The following SENP7 variants were observed in gnomAD, a reference collection of about 807,000 sequenced individuals.
SENP7 encodes SUMO specific peptidase 7, also known as sentrin-specific protease 7.
In SENP7, 64 loss-of-function variants were observed where a neutral mutation model predicts 141.2. That is an observed-to-expected ratio of 0.45 (90% confidence interval 0.37 to 0.56). The LOEUF is 0.56. SENP7 is among the 20% of genes least tolerant of loss of function. The probability of loss-of-function intolerance (pLI) is 0.00; values close to 1 mark genes in which losing one functional copy is unlikely to be tolerated. For synonymous variants in SENP7, 382 were observed against 426.4 expected (o/e 0.90, Z 1.28); for missense variants, 1,025 against 1,212.2 (o/e 0.85, Z 2.29).
At chr3:101,449,961 G>A (rs1281900806) in intron 4 of SENP7, among the ~76,000 whole-genome samples, 1 of 152,120 alleles carries the variant, frequency 6.6e-6, no homozygotes, top group East Asian at 1.9e-4. Flanking sequence ...CTATATTCAG[G>A]AAACCCATTT....
rs1438858190 is a variant in SENP7 at position 101,493,381 on chromosome 3, A to G, written c.186+492T>C. Among the ~76,000 whole-genome samples the G allele has an allele frequency of 3.3e-5, 5 of 152,208 alleles. No homozygotes were observed. In the South Asian group the frequency reaches 8.3e-4, roughly 25 times the overall value. On this transcript the variant is annotated intron_variant, in intron 3 of 23. Transcript: ENST00000394095. ...GGAACAAACCTGCACTTGTACCACT[A>G]AACTTAAAATAAAAGTTAAAAAACA...
intron 4 of SENP7, among the ~76,000 whole-genome samples, chr3:101,455,078 T>C (rs1445547935): frequency 8.0e-6 from 1 of 125,228 alleles, no homozygotes; most frequent in African/African-American, 3.3e-5. Context: ...ACACAGGAGA[T>C]AGAGTCAGCA....
chr3:101,463,417 A>G (rs2063655176), intron 3 of SENP7, among the ~76,000 whole-genome samples: 1 of 136,026 alleles, frequency 7.4e-6, no homozygotes, highest in African/African-American at 2.9e-5. Flanking sequence ...ATATATATAT[A>G]CACACACATA....
chr3:101,481,493 G>C (rs2064478794), intron 3 of SENP7, among the ~76,000 whole-genome samples: 1 of 152,180 alleles, frequency 6.6e-6, no homozygotes, highest in African/African-American at 2.4e-5. Context: ...GAAGGGTGTA[G>C]AGGGGAGAGG....
At chr3:101,395,773 G>A (rs556597975) in intron 6 of SENP7, among the ~76,000 whole-genome samples, 5 of 152,324 alleles carry the variant, frequency 3.3e-5, no homozygotes, top group South Asian at 2.1e-4. Context: ...TGGTGATGAC[G>A]ATAAGTGGAC....
chr3:101,459,504 A>T (rs1204126440), intron 3 of SENP7, among the ~76,000 whole-genome samples: 1 of 152,328 alleles, frequency 6.6e-6, no homozygotes, highest in East Asian at 1.9e-4. Flanking sequence ...TAGATTAAAT[A>T]TGACTAGAAT....
At chr3:101,349,073 C>A (rs993375841) in intron 12 of SENP7, among the ~76,000 whole-genome samples, 3 of 152,142 alleles carry the variant, frequency 2.0e-5, no homozygotes, top group Admixed American at 6.5e-5. Context: ...ATCTACTGAA[C>A]CAGCAGATCT....
chr3:101,364,951 T>C lies in SENP7; in HGVS notation c.1359A>G (p.Lys453=), dbSNP rs1228047341. The C allele has an allele frequency of 1.9e-6, 3 of 1,589,114 alleles. No individual in the cohort carries two copies. In the South Asian group the frequency reaches 3.5e-5, roughly 19 times the overall value. The change falls in exon 10 of 24, where the codon AAA becomes AAG. Residue 453 remains lysine (K), a synonymous_variant. Coordinates refer to ENST00000394095, the MANE Select transcript of SENP7 (RefSeq NM_020654.5). ...SSDEEGPVEH[K]SSEILKLQSK... Reference sequence around the variant, plus strand: ...ATTGTAACTTAAGAATTTCTGAACTTTTATGTTCAACAGGTCCTTCTTCAT... The same window carrying C: ...ATTGTAACTTAAGAATTTCTGAACTCTTATGTTCAACAGGTCCTTCTTCAT...
intron 6 of SENP7, among the ~76,000 whole-genome samples, chr3:101,389,523 A>T (rs931776639): frequency 2.0e-5 from 3 of 152,192 alleles, no homozygotes; most frequent in Non-Finnish European, 4.4e-5. Flanking sequence ...AGAAAAAAAA[A>T]ACTGCCAGCC....
At chr3:101,396,151 G>A (rs1238903269) in intron 6 of SENP7, among the ~76,000 whole-genome samples, 2 of 152,136 alleles carry the variant, frequency 1.3e-5, no homozygotes, top group African/African-American at 4.8e-5. Context: ...CTAAGGGAAT[G>A]AATTTTCAAG....
chr3:101,407,437 T>A (rs1383365901), intron 5 of SENP7, among the ~76,000 whole-genome samples: 1 of 152,174 alleles, frequency 6.6e-6, no homozygotes, highest in Non-Finnish European at 1.5e-5. Flanking sequence ...ACAAATGGAC[T>A]TAATGGATAT....
chr3:101,358,221 C>T, intron 11 of SENP7: 1 of 807,264 alleles, frequency 1.2e-6, no homozygotes, highest in Non-Finnish European at 1.9e-6. Flanking sequence ...TCAAGCCTCA[C>T]TAAACATAAG....
At chr3:101,357,761 T>C in intron 11 of SENP7, 1 of 637,030 alleles carries the variant, frequency 1.6e-6, no homozygotes, top group Non-Finnish European at 2.9e-6. Flanking sequence ...AAAAAACTTT[T>C]AAATGTAAAG....
intron 4 of SENP7, chr3:101,457,812 C>T: frequency 1.7e-6 from 1 of 592,344 alleles, no homozygotes; most frequent in South Asian, 2.1e-5. Flanking sequence ...AGATTAGGCG[C>T]ACACATGCGG....
intron 3 of SENP7, among the ~76,000 whole-genome samples, chr3:101,489,502 G>A (rs2108082975): frequency 8.6e-6 from 1 of 116,076 alleles, no homozygotes; most frequent in Middle Eastern, 4.7e-3. Flanking sequence ...AAGAGCAGGA[G>A]CCACTATTCT....
intron 4 of SENP7, among the ~76,000 whole-genome samples, chr3:101,444,670 C>T (rs999223682): frequency 2.8e-5 from 4 of 143,698 alleles, no homozygotes; most frequent in African/African-American, 1.0e-4. Context: ...TATACTCTCA[C>T]TCATAGGTGG....
chr3:101,454,219 T>G (rs1342394356), intron 4 of SENP7, among the ~76,000 whole-genome samples: 2 of 152,186 alleles, frequency 1.3e-5, no homozygotes, highest in African/African-American at 4.8e-5. Context: ...TGAAAACATA[T>G]GTATGTCTAA....
intron 5 of SENP7, among the ~76,000 whole-genome samples, chr3:101,405,609 A>T (rs1309534512): frequency 2.0e-5 from 3 of 152,226 alleles, no homozygotes; most frequent in Non-Finnish European, 4.4e-5. Context: ...AGAATTCAGG[A>T]GGTTAGTTAT....
In SENP7 at chr3:101,423,525, T is replaced by C. The variant is rs536840637; in HGVS notation, c.285-5735A>G. On this transcript the variant is annotated intron_variant, in intron 4 of 23. Transcript: ENST00000394095. ...TACAAAGTTAAAAATGCACCTACCA[T>C]ATGACCCAGCAATCCAACTCCTAGG... 1.1e-4 allele frequency among the ~76,000 whole-genome samples: 17 copies of C among 152,208 alleles called. No individual in the cohort carries two copies. In the East Asian group the frequency reaches 2.5e-3, roughly 22 times the overall value.
Sources: gnomAD v4.1 joint callset for allele counts (sites outside exome capture counted in the v4.1 genomes callset) on GRCh38, gnomAD v4.1.1 for gene constraint, MANE v1.5 for transcripts, NCBI Gene and HGNC (gene_info 2026-07-23, HGNC 2026-07-21) for gene names.